Variants in GPR158 observed in about 807,000 individuals in gnomAD.
GPR158 encodes G protein-coupled receptor 158.
GPR158 carries 30 observed loss-of-function variants against 78.2 expected under a neutral mutation model. That is an observed-to-expected ratio of 0.38 (90% CI 0.29 to 0.52). The LOEUF (loss-of-function observed/expected upper bound fraction) is 0.52, where lower values mean the gene tolerates loss of function less well. GPR158 is among the 20% of genes least tolerant of loss of function. The pLI, the probability that GPR158 is intolerant of heterozygous loss-of-function variation, is 0.83. For synonymous variants in GPR158, 581 were observed against 591.1 expected (o/e 0.98, Z 0.25); for missense variants, 1,463 against 1,523.5 (o/e 0.96, Z 0.66).
chr10:25,187,052 C>T (rs1852699313), intron 1 of GPR158, among the ~76,000 whole-genome samples: 1 of 150,172 alleles, frequency 6.7e-6, no homozygotes, highest in Admixed American at 6.7e-5. Flanking sequence ...GCAAACTCCA[C>T]CTCCCGAGTT....
chr10:25,405,553 T>C (rs12258665), intron 3 of GPR158, among the ~76,000 whole-genome samples: 12,688 of 143,448 alleles, frequency 0.088, 682 homozygotes, highest in East Asian at 0.14. Context: ...AAGGTTGTTC[T>C]TTTGGTGATG....
chr10:25,505,696 AC>A (rs1415276533), intron 5 of GPR158, among the ~76,000 whole-genome samples: 1 of 152,076 alleles, frequency 6.6e-6, no homozygotes, highest in African/African-American at 2.4e-5. Flanking sequence ...CCCTGTTAGC[AC>A]CCTCTACTCC....
rs552244732 is a variant in GPR158 at position 25,186,497 on chromosome 10, G to T, written c.902+10175G>T. On this transcript the variant is annotated intron_variant, in intron 1 of 10. Coordinates refer to ENST00000376351, the MANE Select transcript of GPR158 (RefSeq NM_020752.3). Reference sequence around the variant, plus strand: ...CTAGCAAGACTAATAAAGAAGAAAAGAGAGAAGAATCAAATAGACACAATA... The same window carrying T: ...CTAGCAAGACTAATAAAGAAGAAAATAGAGAAGAATCAAATAGACACAATA... Among the ~76,000 whole-genome samples, 8 of 152,192 alleles carry T rather than the reference G, an allele frequency of 5.3e-5. No individual in the cohort carries two copies. In the South Asian group the frequency reaches 8.3e-4, roughly 16 times the overall value.
chr10:25,577,782 G>A (rs1031073385), intron 7 of GPR158, among the ~76,000 whole-genome samples: 3 of 152,118 alleles, frequency 2.0e-5, no homozygotes. Context: ...ATAGAAGGGG[G>A]AAAATGGTTT....
chr10:25,389,982 T>C (rs1407035915), intron 2 of GPR158, among the ~76,000 whole-genome samples: 1 of 152,212 alleles, frequency 6.6e-6, no homozygotes, highest in Non-Finnish European at 1.5e-5. Context: ...GTTCTCATGA[T>C]AGTGAATAAG....
At chr10:25,564,637 T>A (rs1253850951) in intron 6 of GPR158, among the ~76,000 whole-genome samples, 1 of 152,164 alleles carries the variant, frequency 6.6e-6, no homozygotes, top group Non-Finnish European at 1.5e-5. Flanking sequence ...ATTGTGCTCC[T>A]CTAGTACTAG....
intron 9 of GPR158, among the ~76,000 whole-genome samples, chr10:25,596,199 T>C (rs1294255694): frequency 6.6e-6 from 1 of 152,182 alleles, no homozygotes; most frequent in South Asian, 2.1e-4. Context: ...CAATTTCATT[T>C]TTATAAATGA....
intron 5 of GPR158, among the ~76,000 whole-genome samples, chr10:25,545,276 C>T (rs1462531965): frequency 2.6e-4 from 39 of 152,316 alleles, no homozygotes; most frequent in Admixed American, 2.4e-3. Flanking sequence ...CTTGAGGAAT[C>T]GCCACACTGT....
intron 2 of GPR158, among the ~76,000 whole-genome samples, chr10:25,317,901 G>A (rs1399607086): frequency 6.6e-6 from 1 of 151,896 alleles, no homozygotes; most frequent in Non-Finnish European, 1.5e-5. Flanking sequence ...GCTAATTTTT[G>A]TATTTTTAGT....
chr10:25,192,244 T>C lies in GPR158; in HGVS notation c.902+15922T>C, dbSNP rs374260472. ...GTTCATTTTCCCCACTGCCACCTTA[T>C]GAAGAAGGTGCCTTGCTTCTCCTTC... On this transcript the variant is annotated intron_variant, in intron 1 of 10. Coordinates refer to ENST00000376351, the MANE Select transcript of GPR158 (RefSeq NM_020752.3). Among the ~76,000 whole-genome samples, 8 of 152,326 alleles carry C rather than the reference T, an allele frequency of 5.3e-5. No individual in the cohort carries two copies. The East Asian group carries it at 1.5e-3, about 29-fold the overall frequency.
chr10:25,318,140 T>C (rs1854887171), intron 2 of GPR158, among the ~76,000 whole-genome samples: 1 of 152,196 alleles, frequency 6.6e-6, no homozygotes, highest in African/African-American at 2.4e-5. Context: ...GAAATATAGT[T>C]TATTTAATGG....
chr10:25,352,388 A>G (rs1354436984), intron 2 of GPR158, among the ~76,000 whole-genome samples: 2 of 152,082 alleles, frequency 1.3e-5, no homozygotes, highest in Non-Finnish European at 2.9e-5. Flanking sequence ...GCAGAGAAAT[A>G]AATTTATGCA....
chr10:25,187,211 T>C lies in GPR158; in HGVS notation c.902+10889T>C, dbSNP rs555420792. 5.5e-4 allele frequency among the ~76,000 whole-genome samples: 84 copies of C among 151,866 alleles called. 1 individual carries two copies. Among genetic ancestry groups the C allele is most frequent in the African/African-American group, 2.0e-3 (83 of 41,414 alleles). ...CAATCTCCTGACCTCGTGATCCGCC[T>C]GTCTTGGCCTCCCAAAGTGCTGGGA... On this transcript the variant is annotated intron_variant, in intron 1 of 10. Transcript: ENST00000376351.
intron 2 of GPR158, among the ~76,000 whole-genome samples, chr10:25,344,990 G>C (rs148719124): frequency 1.0e-3 from 158 of 151,962 alleles, no homozygotes; most frequent in African/African-American, 3.5e-3. Context: ...TATTAATGAG[G>C]GCTCTGCCTT....
chr10:25,530,496 G>A (rs1037700436), intron 5 of GPR158, among the ~76,000 whole-genome samples: 2 of 152,168 alleles, frequency 1.3e-5, no homozygotes, highest in Admixed American at 6.5e-5. Context: ...TGAAGTATCT[G>A]CAGCTAAGCG....
rs562311146 is a variant in GPR158 at position 25,330,304 on chromosome 10, A to G, written c.1009-65607A>G. On this transcript the variant is annotated intron_variant, in intron 2 of 10. Transcript: ENST00000376351. ...CTTTTTATAATTGTCCCCAGTGGCA[A>G]TGACTCACATTTATTGAAACTAGAA... 3.3e-5 allele frequency among the ~76,000 whole-genome samples: 5 copies of G among 152,232 alleles called. No homozygotes were observed. In the South Asian group the frequency reaches 1.0e-3, roughly 32 times the overall value.
chr10:25,487,192 T>G (rs1320087693), intron 5 of GPR158, among the ~76,000 whole-genome samples: 1 of 152,088 alleles, frequency 6.6e-6, no homozygotes, highest in Non-Finnish European at 1.5e-5. Context: ...CTTGATTTAA[T>G]CAGAGCCACC....
chr10:25,583,566 G>A (rs1837230364), intron 7 of GPR158, among the ~76,000 whole-genome samples: 1 of 152,110 alleles, frequency 6.6e-6, no homozygotes, highest in Non-Finnish European at 1.5e-5. Context: ...TATTGAAGTT[G>A]TTTGATTTAA....
At chr10:25,212,282 A>G (rs1317099135) in intron 1 of GPR158, among the ~76,000 whole-genome samples, 2 of 152,158 alleles carry the variant, frequency 1.3e-5, no homozygotes, top group African/African-American at 2.4e-5. Context: ...GCTTTTACTC[A>G]TGATGAAAGG....
Sources: allele counts gnomAD v4.1 joint callset (sites outside exome capture counted in the v4.1 genomes callset), GRCh38; gene constraint gnomAD v4.1.1; transcripts MANE v1.5; gene names NCBI Gene and HGNC (gene_info 2026-07-23, HGNC 2026-07-21).